SNTG1: variants seen among roughly 807,000 people sequenced by gnomAD.
The protein encoded by SNTG1 is syntrophin gamma 1, also known as gamma-1-syntrophin.
In SNTG1, 39 loss-of-function variants were observed where a neutral mutation model predicts 74.7. The observed-to-expected ratio is 0.52, with a 90% CI of 0.40 to 0.68. SNTG1 has a LOEUF of 0.68. SNTG1 is among the 30% of genes least tolerant of loss of function. The probability of loss-of-function intolerance (pLI) is 0.00; values close to 1 mark genes in which losing one functional copy is unlikely to be tolerated. For synonymous variants in SNTG1, 254 were observed against 217.1 expected (o/e 1.17, Z -1.49); for missense variants, 685 against 609.5 (o/e 1.12, Z -1.30).
chr8:50,300,985 T>TTA (rs1484158363), intron 2 of SNTG1, among the ~76,000 whole-genome samples: 4 of 152,182 alleles, frequency 2.6e-5, no homozygotes, highest in African/African-American at 9.6e-5. Flanking sequence ...GCCTTGCTGC[T>TTA]TATAGGATGT....
chr8:50,708,570 T>A (rs917872405), intron 16 of SNTG1: 3 of 247,180 alleles, frequency 1.2e-5, no homozygotes, highest in South Asian at 1.7e-4. Flanking sequence ...CACCTAAAAC[T>A]TTTTATATTA....
chr8:50,428,961 A>G (rs781020002), intron 4 of SNTG1, among the ~76,000 whole-genome samples: 5 of 152,130 alleles, frequency 3.3e-5, no homozygotes, highest in Admixed American at 3.3e-4. Context: ...TATTCTGAAA[A>G]CTAAAAATCA....
At chr8:50,394,173 T>C (rs947024483) in intron 2 of SNTG1, 39 bp from the exon 3 acceptor site, 23 of 1,533,768 alleles carry the variant, frequency 1.5e-5, no homozygotes, top group East Asian at 6.8e-5. Flanking sequence ...TTACATGCCA[T>C]GCTGTGCCTA....
chr8:50,358,901 A>G lies in SNTG1; in HGVS notation c.-27-35311A>G, dbSNP rs532810640. On this transcript the variant is annotated intron_variant, in intron 2 of 18. Coordinates refer to ENST00000642720, the MANE Select transcript of SNTG1 (RefSeq NM_018967.5). ...TGAAATTGTCATTTCTTATTGTTCC[A>G]TGTAAGTTAACGCACGGTTTGATAC... Among the ~76,000 whole-genome samples the G allele has an allele frequency of 2.2e-4, 34 of 152,292 alleles. No individual in the cohort carries two copies. The South Asian group carries it at 5.6e-3, about 25-fold the overall frequency.
chr8:50,028,702 G>A (rs1817489894), intron 1 of SNTG1, among the ~76,000 whole-genome samples: 1 of 151,930 alleles, frequency 6.6e-6, no homozygotes, highest in African/African-American at 2.4e-5. Flanking sequence ...TAATTAACCT[G>A]CATATTGTGC....
intron 10 of SNTG1, among the ~76,000 whole-genome samples, chr8:50,532,389 T>C (rs1199427502): frequency 6.6e-6 from 1 of 152,156 alleles, no homozygotes; most frequent in African/African-American, 2.4e-5. Flanking sequence ...CACAAAAAAA[T>C]TAAGATCCAG....
At chr8:50,738,072 G>GAGAA (rs2095533463) in intron 17 of SNTG1, among the ~76,000 whole-genome samples, 1 of 152,010 alleles carries the variant, frequency 6.6e-6, no homozygotes, top group Admixed American at 6.6e-5. Flanking sequence ...AATCAGGCAA[G>GAGAA]AGAAAGAAAG....
In SNTG1 at chr8:50,046,868, AT is replaced by A. The variant is rs576410729; in HGVS notation, c.-102-125691del. Among the ~76,000 whole-genome samples the A allele has an allele frequency of 1.7e-3, 260 of 152,270 alleles. 2 individuals are homozygous for A. In the Middle Eastern group the frequency reaches 0.034, roughly 20 times the overall value. ...GAAGTTGATGTTTCTTCATAACCAA[AT>A]TATTAGCCTTTATACAAATAAGTTT... On this transcript the variant is annotated intron_variant, in intron 1 of 18. Coordinates refer to ENST00000642720, the MANE Select transcript of SNTG1 (RefSeq NM_018967.5).
intron 1 of SNTG1, among the ~76,000 whole-genome samples, chr8:49,921,823 T>C (rs1806572030): frequency 6.6e-6 from 1 of 152,148 alleles, no homozygotes; most frequent in Non-Finnish European, 1.5e-5. Flanking sequence ...AAAATATGCA[T>C]AAAATATACA....
intron 12 of SNTG1, among the ~76,000 whole-genome samples, chr8:50,584,909 A>G (rs1338858234): frequency 2.6e-5 from 4 of 152,062 alleles, no homozygotes; most frequent in Non-Finnish European, 5.9e-5. Flanking sequence ...CACTGGGTCC[A>G]TGCGTTGTTT....
intron 2 of SNTG1, among the ~76,000 whole-genome samples, chr8:50,371,758 C>G (rs188333613): frequency 2.6e-5 from 4 of 152,232 alleles, no homozygotes; most frequent in East Asian, 3.9e-4. Context: ...TCACATCTTC[C>G]TGGTGAATTG....
At chr8:49,910,324 C>G (rs1585462108), upstream of SNTG1, among the ~76,000 whole-genome samples, 1 of 152,056 alleles carries the variant, frequency 6.6e-6, no homozygotes, top group African/African-American at 2.4e-5. Context: ...CACCAGCGCC[C>G]CTCACCAGTC....
chr8:50,156,001 GA>G (rs1031597600), intron 1 of SNTG1, among the ~76,000 whole-genome samples: 3 of 151,530 alleles, frequency 2.0e-5, no homozygotes, highest in Admixed American at 1.3e-4. Flanking sequence ...ATTCAGTAAA[GA>G]AAAAAAGGGC....
chr8:50,278,684 G>GA (rs1009691954), intron 2 of SNTG1, among the ~76,000 whole-genome samples: 8 of 127,042 alleles, frequency 6.3e-5, no homozygotes, highest in African/African-American at 9.9e-5. Flanking sequence ...GAGTCTATAT[G>GA]AAAAAATGCT....
chr8:50,696,089 G>A (rs2095404040), intron 15 of SNTG1, among the ~76,000 whole-genome samples: 1 of 151,972 alleles, frequency 6.6e-6, no homozygotes, highest in Non-Finnish European at 1.5e-5. Context: ...CACCAACAGT[G>A]TATAAGCATT....
chr8:50,182,764 A>C (rs1215854394), intron 2 of SNTG1, among the ~76,000 whole-genome samples: 3 of 151,922 alleles, frequency 2.0e-5, no homozygotes, highest in Non-Finnish European at 2.9e-5. Context: ...GTTTGAAAAA[A>C]ATTTATGCAA....
intron 1 of SNTG1, among the ~76,000 whole-genome samples, chr8:50,121,245 T>G (rs1305008041): frequency 7.1e-6 from 1 of 141,722 alleles, no homozygotes; most frequent in Non-Finnish European, 1.6e-5. Flanking sequence ...GGCCTCTGAC[T>G]TGGCTATTTC....
intron 15 of SNTG1, among the ~76,000 whole-genome samples, chr8:50,673,965 G>GC (rs2095297834): frequency 6.6e-6 from 1 of 151,206 alleles, no homozygotes; most frequent in Non-Finnish European, 1.5e-5. Flanking sequence ...TTCTGTCAAT[G>GC]TGATGAACAC....
At chr8:50,670,094 G>C (rs1285765545) in intron 15 of SNTG1, among the ~76,000 whole-genome samples, 1 of 152,204 alleles carries the variant, frequency 6.6e-6, no homozygotes, top group East Asian at 1.9e-4. Flanking sequence ...CATACTGAAT[G>C]GGCAAAAACT....
Sources: allele counts gnomAD v4.1 joint callset (sites outside exome capture counted in the v4.1 genomes callset), GRCh38; gene constraint gnomAD v4.1.1; transcripts MANE v1.5; gene names NCBI Gene and HGNC (gene_info 2026-07-23, HGNC 2026-07-21).